CGNL1: variants seen among roughly 807,000 people sequenced by gnomAD.
CGNL1 encodes the protein cingulin-like protein 1.
A neutral mutation model predicts 141.2 loss-of-function variants in CGNL1; 132 were observed. The observed-to-expected ratio is 0.93, with a 90% CI of 0.81 to 1.08. CGNL1 has a LOEUF of 1.08. Ranked by LOEUF, CGNL1 falls within the 50% of genes least tolerant of loss-of-function variation. The pLI is 0.00. For missense variants in CGNL1, 1,870 were observed against 1,588.6 expected, an observed-to-expected ratio of 1.18 and a Z score of -3.01; for synonymous variants, 690 against 622.1, an observed-to-expected ratio of 1.11 and a Z score of -1.63.
At chr15:57,511,487 C>A (rs368589272) in intron 8 of CGNL1, among the ~76,000 whole-genome samples, 6 of 152,228 alleles carry the variant, frequency 3.9e-5, no homozygotes, top group African/African-American at 1.2e-4. Flanking sequence ...AAATGATAGA[C>A]GATAAGTTTC....
intron 1 of CGNL1, among the ~76,000 whole-genome samples, chr15:57,424,722 T>C (rs936932608): frequency 6.6e-6 from 1 of 152,192 alleles, no homozygotes; most frequent in East Asian, 1.9e-4. Context: ...AACAGTTTTA[T>C]GGCAAACTAG....
At chr15:57,461,138 T>G (rs2063440465) in intron 7 of CGNL1, among the ~76,000 whole-genome samples, 1 of 152,138 alleles carries the variant, frequency 6.6e-6, no homozygotes, top group African/African-American at 2.4e-5. Context: ...CCTTCCTCAT[T>G]AATACCTGGC....
At chr15:57,495,486 T>C (rs1271639336) in intron 8 of CGNL1, among the ~76,000 whole-genome samples, 1 of 152,228 alleles carries the variant, frequency 6.6e-6, no homozygotes, top group Non-Finnish European at 1.5e-5. Context: ...TGTGAATTTC[T>C]GGTTTTATAC....
intron 1 of CGNL1, among the ~76,000 whole-genome samples, chr15:57,427,614 G>T (rs2062992926): frequency 6.6e-6 from 1 of 152,364 alleles, no homozygotes; most frequent in African/African-American, 2.4e-5. Flanking sequence ...GATTGGATCT[G>T]TTGTTTTGAG....
intron 3 of CGNL1, among the ~76,000 whole-genome samples, chr15:57,440,973 G>C (rs17239686): frequency 0.049 from 7,423 of 151,554 alleles, 250 homozygotes; most frequent in Non-Finnish European, 0.074. Context: ...GAATAATCAG[G>C]GTTTCAGCCC....
In CGNL1 at chr15:57,392,301, T is replaced by TAGG. The variant is rs556938402; in HGVS notation, c.-16+15737_-16+15739dup. On this transcript the variant is annotated intron_variant, in intron 1 of 18. Transcript: ENST00000281282. ...TTATCTGAGACATGATGTGATAGGA[T>TAGG]AGGAGTGCATTTAGCTGTGTGTGAT... is the stretch of plus-strand genomic sequence containing the variant. 1.1e-3 allele frequency among the ~76,000 whole-genome samples: 171 copies of TAGG among 152,258 alleles called. No homozygotes were observed. The Middle Eastern group carries it at 0.024, about 21-fold the overall frequency.
chr15:57,531,187 A>G (rs1468818589), intron 13 of CGNL1, among the ~76,000 whole-genome samples: 4 of 152,244 alleles, frequency 2.6e-5, no homozygotes, highest in East Asian at 1.9e-4. Flanking sequence ...GGTTAATCCA[A>G]TGCAGGTTTG....
intron 1 of CGNL1, among the ~76,000 whole-genome samples, chr15:57,430,016 GC>G (rs1340927862): frequency 2.0e-5 from 3 of 152,160 alleles, no homozygotes; most frequent in Non-Finnish European, 4.4e-5. Flanking sequence ...TCCCTGTGTT[GC>G]CCAGGCTGGT....
chr15:57,384,984 A>G (rs2062466383), intron 1 of CGNL1, among the ~76,000 whole-genome samples: 1 of 152,218 alleles, frequency 6.6e-6, no homozygotes, highest in African/African-American at 2.4e-5. Context: ...ATGCATTTCA[A>G]GTTCTCATGG....
At chr15:57,441,707 A>C (rs1296721561) in intron 3 of CGNL1, among the ~76,000 whole-genome samples, 1 of 152,166 alleles carries the variant, frequency 6.6e-6, no homozygotes, top group East Asian at 1.9e-4. Context: ...ATTTTTTGGC[A>C]CATGATTTAT....
At chr15:57,412,079 C>A (rs1285870913) in intron 1 of CGNL1, among the ~76,000 whole-genome samples, 2 of 152,236 alleles carry the variant, frequency 1.3e-5, no homozygotes, top group Non-Finnish European at 2.9e-5. Flanking sequence ...CTTCCTTCCT[C>A]TGCCAAGAGG....
At chr15:57,462,017 T>C in intron 8 of CGNL1, 125 bp downstream of exon 8, 1 of 743,190 alleles carries the variant, frequency 1.3e-6, no homozygotes, top group Non-Finnish European at 2.3e-6. Context: ...CATCAGATCA[T>C]GGACACAGAG....
At chr15:57,545,546 A>C in intron 16 of CGNL1, 46 bp from the exon 17 acceptor site, 1 of 1,555,270 alleles carries the variant, frequency 6.4e-7, no homozygotes, top group Non-Finnish European at 8.8e-7. Flanking sequence ...GGCCCCCTGC[A>C]GGGATGGGAG....
At chr15:57,437,583 T>C (rs899076934) in intron 1 of CGNL1, among the ~76,000 whole-genome samples, 1 of 30,888 alleles carries the variant, frequency 3.2e-5, no homozygotes, top group Non-Finnish European at 6.4e-5. Context: ...TGGTTAAAAA[T>C]AAACAGCATA....
intron 14 of CGNL1, among the ~76,000 whole-genome samples, chr15:57,532,262 C>T (rs1339415192): frequency 6.6e-6 from 1 of 152,170 alleles, no homozygotes; most frequent in Non-Finnish European, 1.5e-5. Context: ...AATTAATTAT[C>T]TTTGAAACTG....
intron 8 of CGNL1, among the ~76,000 whole-genome samples, chr15:57,500,595 C>T (rs1458331029): frequency 6.6e-6 from 1 of 152,124 alleles, no homozygotes; most frequent in African/African-American, 2.4e-5. Flanking sequence ...TCAGCAAGAG[C>T]CTGTGCTCCC....
At chr15:57,463,278 G>A (rs2152334860) in intron 8 of CGNL1, among the ~76,000 whole-genome samples, 1 of 152,286 alleles carries the variant, frequency 6.6e-6, no homozygotes, top group African/African-American at 2.4e-5. Context: ...TCAGAGATAT[G>A]TAAGTGAGGA....
intron 8 of CGNL1, among the ~76,000 whole-genome samples, chr15:57,489,463 A>G (rs1324819263): frequency 2.6e-5 from 4 of 152,238 alleles, no homozygotes; most frequent in Non-Finnish European, 5.9e-5. Context: ...AAAACTTTAT[A>G]TAGATAATAT....
intron 1 of CGNL1, among the ~76,000 whole-genome samples, chr15:57,420,661 C>T (rs2152282129): frequency 6.6e-6 from 1 of 152,342 alleles, no homozygotes; most frequent in Middle Eastern, 3.4e-3. Context: ...AGATTCCACT[C>T]ATTTCTGGAG....
Sources: allele counts gnomAD v4.1 joint callset (sites outside exome capture counted in the v4.1 genomes callset), GRCh38; gene constraint gnomAD v4.1.1; transcripts MANE v1.5; gene names NCBI Gene and HGNC (gene_info 2026-07-23, HGNC 2026-07-21).